The following DCAF5 variants were observed in gnomAD, a reference collection of about 807,000 sequenced individuals.
The protein encoded by DCAF5 is DDB1- and CUL4-associated factor 5.
In DCAF5, 9 loss-of-function variants were observed where a neutral mutation model predicts 80.7. The ratio of observed to expected loss-of-function variants is 0.11; its 90% confidence interval spans 0.07 to 0.19. The LOEUF (loss-of-function observed/expected upper bound fraction) is 0.19, where lower values mean the gene tolerates loss of function less well. Among genes scored for constraint, DCAF5 ranks in the 10% least tolerant of loss-of-function variants. DCAF5 has a pLI of 1.00. For missense variants in DCAF5, 842 were observed against 1,205.7 expected (o/e 0.70, Z 4.47); for synonymous variants, 433 against 461.9 (o/e 0.94, Z 0.80).
chr14:69,059,239 C>A (rs1408685627), intron 8 of DCAF5, among the ~76,000 whole-genome samples: 1 of 152,124 alleles, frequency 6.6e-6, no homozygotes, highest in Non-Finnish European at 1.5e-5. Context: ...CAGGCACCAC[C>A]ATGCCTGGCT....
At chr14:69,072,723 C>T (rs112542913) in intron 7 of DCAF5, among the ~76,000 whole-genome samples, 10,965 of 150,310 alleles carry the variant, frequency 0.073, 493 homozygotes, top group Middle Eastern at 0.16. Flanking sequence ...TGAGTCAAGA[C>T]ATGCTAAAAA....
At chr14:69,105,924 T>TAC (rs2040129942) in intron 5 of DCAF5, among the ~76,000 whole-genome samples, 1 of 77,860 alleles carries the variant, frequency 1.3e-5, no homozygotes, top group Non-Finnish European at 2.6e-5. Context: ...CATATATATA[T>TAC]ATATATATAT....
intron 1 of DCAF5, among the ~76,000 whole-genome samples, chr14:69,137,530 C>T (rs1254422897): frequency 6.6e-6 from 1 of 152,100 alleles, no homozygotes; most frequent in Admixed American, 6.5e-5. Flanking sequence ...CATAATAAAG[C>T]TTTCTTGTCT....
intron 5 of DCAF5, among the ~76,000 whole-genome samples, chr14:69,105,532 G>A (rs920322836): frequency 3.9e-5 from 6 of 152,138 alleles, no homozygotes; most frequent in African/African-American, 1.2e-4. Flanking sequence ...GAGTCAGTGG[G>A]CAGGGAGAAC....
chr14:69,134,323 A>T (rs1014531898), intron 1 of DCAF5, among the ~76,000 whole-genome samples: 1 of 152,228 alleles, frequency 6.6e-6, no homozygotes, highest in Non-Finnish European at 1.5e-5. Context: ...ACTAGCACAT[A>T]AAACCCGTGA....
At chr14:69,124,623 T>C (rs1413580602) in intron 1 of DCAF5, among the ~76,000 whole-genome samples, 2 of 152,236 alleles carry the variant, frequency 1.3e-5, no homozygotes, top group Non-Finnish European at 2.9e-5. Flanking sequence ...TGGCCTAGGA[T>C]AGTATCTAAA....
chr14:69,111,979 T>C (rs994466125), intron 5 of DCAF5, among the ~76,000 whole-genome samples: 7 of 152,196 alleles, frequency 4.6e-5, no homozygotes, highest in Non-Finnish European at 1.0e-4. Flanking sequence ...CAAGAAGTGG[T>C]GGGACCCTTA....
chr14:69,125,366 T>C (rs1380461704), intron 1 of DCAF5, among the ~76,000 whole-genome samples: 5 of 152,242 alleles, frequency 3.3e-5, no homozygotes, highest in African/African-American at 7.2e-5. Context: ...ACTGCCTGAA[T>C]TTATAAGAAT....
At chr14:69,121,513 A>G (rs1595036306) in intron 2 of DCAF5, among the ~76,000 whole-genome samples, 1 of 152,238 alleles carries the variant, frequency 6.6e-6, no homozygotes, top group East Asian at 1.9e-4. Context: ...TAAACCTAAT[A>G]GCTTATATAA....
rs1195757501 is a variant in DCAF5, at chr14:69,118,146, G to C, written c.528C>G (p.Pro176=). ...TTTGCACAGTGAGCCTACCTCCATG[G>C]GGGGATTCCCGAATGTCCCAAATGA... The part of the protein sequence containing the change: ...RVLIWDIRES[P]HGEPFCLANY... Residue 176 remains proline (P), a synonymous_variant, in exon 4 of 9, where the codon CCC becomes CCG. Transcript: ENST00000341516. The surrounding 1 kb of genome is among the most constrained non-coding windows in gnomAD (Gnocchi z 4.0). 1.1e-5 allele frequency: 18 copies of C among 1,613,710 alleles called. No individual in the cohort carries two copies. The highest frequency in any genetic ancestry group is 1.7e-5 in the Admixed American group (1 of 59,976).
intron 1 of DCAF5, among the ~76,000 whole-genome samples, chr14:69,129,786 G>A (rs2040986774): frequency 6.6e-6 from 1 of 152,204 alleles, no homozygotes; most frequent in African/African-American, 2.4e-5. Context: ...TCTCGGGAAG[G>A]CTAGGCCTTT....
chr14:69,142,162 C>T (rs371574933), intron 1 of DCAF5, among the ~76,000 whole-genome samples: 6 of 152,144 alleles, frequency 3.9e-5, no homozygotes, highest in East Asian at 3.9e-4. Flanking sequence ...TAGCTGGGCA[C>T]GATGGTGCAT....
intron 5 of DCAF5, among the ~76,000 whole-genome samples, chr14:69,111,693 C>T (rs1165557377): frequency 6.6e-6 from 1 of 152,124 alleles, no homozygotes; most frequent in Non-Finnish European, 1.5e-5. Context: ...ACTGCAACAG[C>T]CCAAGATAGA....
intron 7 of DCAF5, among the ~76,000 whole-genome samples, chr14:69,065,507 A>T (rs1185291685): frequency 6.6e-6 from 1 of 152,150 alleles, no homozygotes; most frequent in Non-Finnish European, 1.5e-5. Flanking sequence ...AAACCCAGAG[A>T]CTGATGGTGA....
chr14:69,137,313 C>A (rs537371467), intron 1 of DCAF5, among the ~76,000 whole-genome samples: 3 of 152,294 alleles, frequency 2.0e-5, no homozygotes, highest in Admixed American at 2.0e-4. Context: ...TTGCCAGGTA[C>A]TTCCAGATCA....
intron 1 of DCAF5, among the ~76,000 whole-genome samples, chr14:69,131,630 A>G (rs1422747657): frequency 6.6e-6 from 1 of 152,186 alleles, no homozygotes; most frequent in East Asian, 1.9e-4. Context: ...AATAATCCAA[A>G]GAGCTTGGCC....
chr14:69,067,429 C>T (rs917615625), intron 7 of DCAF5, among the ~76,000 whole-genome samples: 2 of 151,300 alleles, frequency 1.3e-5, no homozygotes, highest in African/African-American at 4.9e-5. Context: ...CTGCAACCCC[C>T]CGCTCCCAGG....
At chr14:69,115,501 A>G (rs2040514495) in intron 5 of DCAF5, among the ~76,000 whole-genome samples, 1 of 152,200 alleles carries the variant, frequency 6.6e-6, no homozygotes, top group Admixed American at 6.5e-5. Context: ...CTTCTGCAAC[A>G]CTGCTTTATG....
chr14:69,111,967 A>G (rs776757950), intron 5 of DCAF5, among the ~76,000 whole-genome samples: 117 of 152,218 alleles, frequency 7.7e-4, no homozygotes, highest in Admixed American at 1.4e-3. Flanking sequence ...GTATTAAGAC[A>G]TCAAGAAGTG....
Sources: gnomAD v4.1 joint callset for allele counts (sites outside exome capture counted in the v4.1 genomes callset) on GRCh38, gnomAD v4.1.1 for gene constraint, Gnocchi (gnomAD v3.1) non-coding constraint, MANE v1.5 for transcripts, NCBI Gene and HGNC (gene_info 2026-07-23, HGNC 2026-07-21) for gene names.